The following KCNH8 variants were observed in gnomAD, a reference collection of about 807,000 sequenced individuals.
KCNH8 encodes potassium voltage-gated channel subfamily H member 8, also known as voltage-gated delayed rectifier potassium channel KCNH8.
Under a neutral mutation model 103.6 loss-of-function variants are expected in KCNH8, and 70 were observed. That is an observed-to-expected ratio of 0.68 (90% CI 0.56 to 0.82). The LOEUF is 0.82. Ranked by LOEUF, KCNH8 falls within the 40% of genes least tolerant of loss-of-function variation. The pLI, the probability that KCNH8 is intolerant of heterozygous loss-of-function variation, is 0.00. For synonymous variants in KCNH8, 498 were observed against 489.4 expected, an observed-to-expected ratio of 1.02 and a Z score of -0.23; for missense variants, 1,217 against 1,329.9, an observed-to-expected ratio of 0.92 and a Z score of 1.32.
intron 5 of KCNH8, among the ~76,000 whole-genome samples, chr3:19,358,887 T>C (rs1437825539): frequency 1.3e-5 from 2 of 151,458 alleles, no homozygotes; most frequent in East Asian, 3.9e-4. Flanking sequence ...AAAATATTAA[T>C]GGACCCAGTG....
intron 11 of KCNH8, among the ~76,000 whole-genome samples, chr3:19,497,474 T>C (rs540700813): frequency 1.3e-5 from 2 of 152,316 alleles, no homozygotes; most frequent in African/African-American, 4.8e-5. Flanking sequence ...AAATAACTTT[T>C]TGATTTCTGC....
At chr3:19,478,428 C>T (rs932093398) in intron 11 of KCNH8, among the ~76,000 whole-genome samples, 5 of 152,094 alleles carry the variant, frequency 3.3e-5, no homozygotes, top group South Asian at 2.1e-4. Context: ...TCTCCACATC[C>T]TCAACAACAT....
intron 1 of KCNH8, among the ~76,000 whole-genome samples, chr3:19,198,717 C>G (rs2063626967): frequency 6.6e-6 from 1 of 151,998 alleles, no homozygotes; most frequent in Non-Finnish European, 1.5e-5. Context: ...AGTGCCAATA[C>G]CCACTCCCCA....
chr3:19,477,622 C>T (rs1269401165), intron 11 of KCNH8, among the ~76,000 whole-genome samples: 1 of 151,686 alleles, frequency 6.6e-6, no homozygotes, highest in South Asian at 2.1e-4. Flanking sequence ...GGAATTATGG[C>T]CAGGTGGAAG....
At chr3:19,258,175 G>T (rs1406791794) in intron 2 of KCNH8, among the ~76,000 whole-genome samples, 2 of 151,924 alleles carry the variant, frequency 1.3e-5, no homozygotes, top group Non-Finnish European at 2.9e-5. Context: ...TATCTTTTGG[G>T]GAAGATAAAA....
intron 5 of KCNH8, among the ~76,000 whole-genome samples, chr3:19,373,458 TC>T (rs1387765313): frequency 2.0e-5 from 3 of 152,220 alleles, no homozygotes; most frequent in Non-Finnish European, 2.9e-5. Context: ...GGTGGTTATG[TC>T]CCGTTTATCA....
At chr3:19,397,389 G>A (rs1409778721) in intron 7 of KCNH8, among the ~76,000 whole-genome samples, 3 of 151,468 alleles carry the variant, frequency 2.0e-5, no homozygotes, top group African/African-American at 7.3e-5. Context: ...CAGTGTCCTC[G>A]TCTACAATGT....
intron 15 of KCNH8, among the ~76,000 whole-genome samples, chr3:19,522,171 A>C (rs926324735): frequency 1.3e-5 from 2 of 148,882 alleles, no homozygotes; most frequent in East Asian, 2.0e-4. Context: ...ATGCCTAAAC[A>C]AAAAAAAAAT....
At chr3:19,464,679 G>C (rs1164309379) in intron 11 of KCNH8, among the ~76,000 whole-genome samples, 1 of 152,022 alleles carries the variant, frequency 6.6e-6, no homozygotes, top group Non-Finnish European at 1.5e-5. Context: ...AAATAAGTAA[G>C]AAAAAGACAT....
chr3:19,491,370 T>C (rs181705013), intron 11 of KCNH8, among the ~76,000 whole-genome samples: 42 of 152,294 alleles, frequency 2.8e-4, no homozygotes, highest in African/African-American at 8.4e-4. Flanking sequence ...ATTATTCCTA[T>C]GTTTATGTAC....
At position 19,221,313 on chromosome 3, in the gene KCNH8, G is replaced by T. The variant is rs146596573; in HGVS notation, c.77-32341G>T. Among the ~76,000 whole-genome samples, 638 of 152,330 alleles carry T rather than the reference G, an allele frequency of 4.2e-3. 4 individuals are homozygous for T. The highest frequency in any genetic ancestry group is 0.015 in the African/African-American group (607 of 41,570). On this transcript the variant is annotated intron_variant, in intron 1 of 15. Transcript: ENST00000328405. The stretch of plus-strand genomic sequence containing the variant: ...GGGCAGGGCCTGAGATTTTGCCCCA[G>T]GTTGGATAGCTCCTACAGTGCATTG...
intron 1 of KCNH8, among the ~76,000 whole-genome samples, chr3:19,155,575 A>G (rs190125962): frequency 6.6e-6 from 1 of 152,328 alleles, no homozygotes; most frequent in Non-Finnish European, 1.5e-5. Context: ...CCTTGGCATC[A>G]TCTGACCCCA....
chr3:19,291,527 G>C (rs1336150497), intron 3 of KCNH8, among the ~76,000 whole-genome samples: 2 of 152,322 alleles, frequency 1.3e-5, no homozygotes, highest in South Asian at 4.1e-4. Context: ...GGAGCAGGTT[G>C]TTCAGTTTCC....
chr3:19,389,293 C>T (rs1378958667), intron 5 of KCNH8, among the ~76,000 whole-genome samples: 1 of 152,120 alleles, frequency 6.6e-6, no homozygotes, highest in Non-Finnish European at 1.5e-5. Context: ...GTTCCTTTCT[C>T]CTGCTCAGGG....
chr3:19,406,960 C>T lies in KCNH8; in HGVS notation c.1177+11649C>T, dbSNP rs567271090. On this transcript the variant is annotated intron_variant, in intron 7 of 15. Transcript: ENST00000328405. ...TTGTATGAGAAGAAGAGGGGAACAA[C>T]AGCTCTTTTAGTAGAATTATTCTAC... Among the ~76,000 whole-genome samples the T allele has an allele frequency of 1.8e-3, 279 of 152,234 alleles. 1 individual carries two copies. Among genetic ancestry groups the T allele is most frequent in the African/African-American group, 6.5e-3 (271 of 41,544 alleles).
intron 3 of KCNH8, among the ~76,000 whole-genome samples, chr3:19,285,479 TCACGTAG>T (rs2064817988): frequency 6.6e-6 from 1 of 152,158 alleles, no homozygotes; most frequent in Admixed American, 6.6e-5. Flanking sequence ...TATATGCAAT[TCACGTAG>T]CACAGGGCAT....
intron 11 of KCNH8, among the ~76,000 whole-genome samples, chr3:19,484,124 A>G (rs1387611046): frequency 6.6e-6 from 1 of 152,068 alleles, no homozygotes; most frequent in Admixed American, 6.6e-5. Context: ...TCTGGCTAAT[A>G]CTTTACTTGT....
intron 5 of KCNH8, among the ~76,000 whole-genome samples, chr3:19,373,744 T>G (rs2066142538): frequency 2.0e-5 from 3 of 151,940 alleles, no homozygotes; most frequent in East Asian, 3.9e-4. Flanking sequence ...TTGTGGGCAT[T>G]TAGTGCTATA....
chr3:19,256,617 G>C (rs78012581), intron 2 of KCNH8, among the ~76,000 whole-genome samples: 5,899 of 151,918 alleles, frequency 0.039, 408 homozygotes, highest in African/African-American at 0.13. Flanking sequence ...ATCTATATGA[G>C]TATTTTTCTT....
Sources: allele counts gnomAD v4.1 joint callset (sites outside exome capture counted in the v4.1 genomes callset), GRCh38; gene constraint gnomAD v4.1.1; transcripts MANE v1.5; gene names NCBI Gene and HGNC (gene_info 2026-07-23, HGNC 2026-07-21).